Variants in LOX observed in about 807,000 individuals in gnomAD.
The protein encoded by LOX is protein-lysine 6-oxidase.
A neutral mutation model predicts 50.5 loss-of-function variants in LOX; 12 were observed. The observed-to-expected ratio is 0.24, with a 90% CI of 0.15 to 0.38. The LOEUF (loss-of-function observed/expected upper bound fraction) is 0.38, where lower values mean the gene tolerates loss of function less well. LOX is among the 10% of genes least tolerant of loss of function. The pLI, the probability that LOX is intolerant of heterozygous loss-of-function variation, is 1.00. For missense variants in LOX, 504 were observed against 563.8 expected, an observed-to-expected ratio of 0.89 and a Z score of 1.07; for synonymous variants, 254 against 230.6, an observed-to-expected ratio of 1.10 and a Z score of -0.92.
At chr5:122,075,632 C>T (rs1395696829) in intron 2 of LOX, 91 bp from the exon 3 acceptor site, 1 of 813,286 alleles carries the variant, frequency 1.2e-6, no homozygotes. Context: ...ATAGTAGTGA[C>T]AATCCTCCTT....
At chr5:122,070,325 C>T (rs909907777) in intron 5 of LOX, among the ~76,000 whole-genome samples, 157 bp from the exon 6 acceptor site, 4 of 152,034 alleles carry the variant, frequency 2.6e-5, no homozygotes, top group Non-Finnish European at 5.9e-5. Flanking sequence ...TGCATATTTT[C>T]CCCTGAAGTT....
chr5:122,073,378 A>G (rs1486603499), intron 4 of LOX, among the ~76,000 whole-genome samples: 1 of 152,216 alleles, frequency 6.6e-6, no homozygotes, highest in Non-Finnish European at 1.5e-5. Context: ...TTAAATATAT[A>G]TGTGTGGAGA....
At chr5:122,070,396 A>G (rs1326401241) in intron 5 of LOX, 98 bp downstream of exon 5, 2 of 702,286 alleles carry the variant, frequency 2.8e-6, no homozygotes, top group East Asian at 5.3e-5. Flanking sequence ...AGGATGTATA[A>G]TTGCTTCCAA....
rs1754226483 is a variant in LOX at position 122,063,701 on chromosome 5, A to G, written c.*3042T>C. ...AGTTAATACACTGATTCGTATCAAA[A>G]CACATTATTTTTAAAACAAAATATC... On this transcript the variant is annotated 3_prime_UTR_variant, in exon 7 of 7. Transcript: ENST00000231004. 1 of 151,940 alleles carries G rather than the reference A, an allele frequency of 6.6e-6. No individual in the cohort carries two copies. Among genetic ancestry groups the G allele is most frequent in the African/African-American group, 2.4e-5 (1 of 41,438 alleles). 9.4% of individuals were successfully genotyped at this position (151,940 alleles called of 1,614,324 possible).
At chr5:122,066,809 A>G (rs1217002049) in intron 6 of LOX, 60 bp from the exon 7 acceptor site, 2 of 1,048,982 alleles carry the variant, frequency 1.9e-6, no homozygotes, top group East Asian at 4.7e-5. Flanking sequence ...GAATGAGTAC[A>G]ACAGACAAAT....
At position 122,064,934 on chromosome 5, in the gene LOX, A is replaced by G. The variant is rs538007486; in HGVS notation, c.*1809T>C. The G allele has an allele frequency of 1.2e-4, 19 of 152,118 alleles. No individual in the cohort carries two copies. The highest frequency in any genetic ancestry group is 2.2e-4 in the Non-Finnish European group (15 of 67,984). 9.4% of individuals were successfully genotyped at this position (152,118 alleles called of 1,614,324 possible). On this transcript the variant is annotated 3_prime_UTR_variant, in exon 7 of 7. Transcript: ENST00000231004. ...TAGATGCCAGTCTGGCTCAGTATTAATACTGACAGTAGTTTTTTTGTTTTT... is the reference window on the plus strand; with the variant it reads ...TAGATGCCAGTCTGGCTCAGTATTAGTACTGACAGTAGTTTTTTTGTTTTT...
chr5:122,068,886 T>G (rs1754374442), intron 6 of LOX, among the ~76,000 whole-genome samples: 1 of 152,054 alleles, frequency 6.6e-6, no homozygotes, highest in Non-Finnish European at 1.5e-5. Context: ...CTAATCTGTT[T>G]ATTTAAGTGC....
chr5:122,070,816 T>C (rs1754428818), intron 4 of LOX: 1 of 331,184 alleles, frequency 3.0e-6, no homozygotes, highest in Non-Finnish European at 5.4e-6. Context: ...CCTCACTTCT[T>C]AAAAGTGTCA....
Position 122,077,589 on chromosome 5 carries a change from T to C in LOX, c.397A>G (p.Arg133Gly). The change falls in exon 1 of 7, where the codon AGA (arginine) becomes GGA (glycine). Residue 133 changes from arginine to glycine, a missense_variant. Physicochemically the swap from Arg to Gly is moderately radical, Grantham distance 125 (BLOSUM62 -2). Around this residue, in one of 2 missense-constraint regions of LOX, gnomAD observed 398 missense variants for 365.8 expected, o/e 1.09. Coordinates refer to ENST00000231004, the MANE Select transcript of LOX (RefSeq NM_002317.7). The surrounding 1 kb of genome is among the most constrained non-coding windows in gnomAD (Gnocchi z 4.9). ...HWFQAGYSTSRAREAGASRAE... is the reference protein window; with the variant it reads ...HWFQAGYSTSGAREAGASRAE... ...CGCGAGGCGCCAGCTTCGCGGGCTC[T>C]AGATGTCGAGTAGCCAGCTTGGAAC... 1 of 1,612,668 alleles carries C rather than the reference T, an allele frequency of 6.2e-7. No homozygotes were observed. Among genetic ancestry groups the C allele is most frequent in the East Asian group, 2.2e-5 (1 of 44,858 alleles).
At position 122,070,091 on chromosome 5, in the gene LOX, T is replaced by G. The variant is rs904161123; in HGVS notation, c.1209A>C (p.Thr403=). 3 of 1,613,250 alleles carry G rather than the reference T, an allele frequency of 1.9e-6. No individual in the cohort carries two copies. The highest frequency in any genetic ancestry group is 3.3e-4 in the Middle Eastern group (2 of 6,056). ...NNVVRCDIRY[T]GHHAYASGCT... ...AGCCTGAGGCATACGCATGATGTCC[T>G]GTGTAGCGAATGTCACAGCGCACAA... is the stretch of plus-strand genomic sequence containing the variant. Residue 403 remains threonine, a synonymous_variant, in exon 6 of 7, where the codon ACA becomes ACC. Coordinates refer to ENST00000231004, the MANE Select transcript of LOX (RefSeq NM_002317.7).
chr5:122,065,644 C>T lies in LOX; in HGVS notation c.*1099G>A, dbSNP rs571304437. On this transcript the variant is annotated 3_prime_UTR_variant, in exon 7 of 7. Transcript: ENST00000231004. Reference sequence around the variant, plus strand: ...ACATGTGTGACTGATTCCTGAATAACCCAGGATGATGTTCCTGTGTTCTAG... The same window carrying T: ...ACATGTGTGACTGATTCCTGAATAATCCAGGATGATGTTCCTGTGTTCTAG... The T allele has an allele frequency of 2.6e-5, 4 of 152,132 alleles. No homozygotes were observed. The highest frequency in any genetic ancestry group is 2.0e-4 in the Admixed American group (3 of 15,256). The allele number at this position is 152,132 out of a possible 1,614,324, so 9.4% of individuals were successfully genotyped here. A position where few individuals can be genotyped will look rare whatever the true frequency, so the allele number is the denominator to read the frequency against.
At chr5:122,068,512 C>T (rs1754363427) in intron 6 of LOX, among the ~76,000 whole-genome samples, 1 of 152,052 alleles carries the variant, frequency 6.6e-6, no homozygotes, top group African/African-American at 2.4e-5. Flanking sequence ...TCTCACTTCC[C>T]CTACTCAAAA....
At chr5:122,071,955 A>G (rs1754464250) in intron 4 of LOX, among the ~76,000 whole-genome samples, 1 of 152,182 alleles carries the variant, frequency 6.6e-6, no homozygotes, top group African/African-American at 2.4e-5. Flanking sequence ...TGTTGTTATT[A>G]TCTAGATTCC....
At position 122,074,181 on chromosome 5, in the gene LOX, C is replaced by T. The variant is rs1363844473; in HGVS notation, c.879-12G>A. The T allele has an allele frequency of 1.9e-6, 3 of 1,604,490 alleles. No homozygotes were observed. Among genetic ancestry groups the T allele is most frequent in the Admixed American group, 1.7e-5 (1 of 59,376 alleles). On this transcript the variant is annotated splice_polypyrimidine_tract_variant and intron_variant, in intron 3 of 6. Transcript: ENST00000231004. ...TACTGTGGTAATGTCTGATGTCCCA[C>T]AAAACAAAAAGATGGTGGTCAGTTA...
At position 122,065,720 on chromosome 5, in the gene LOX, T is replaced by C. The variant is rs955130157; in HGVS notation, c.*1023A>G. ...CTAATAGCTGAACATCTTTTTAAAA[T>C]CTAGAAAACTTGAAAAATCCTAAAA... is the stretch of plus-strand genomic sequence containing the variant. On this transcript the variant is annotated 3_prime_UTR_variant, in exon 7 of 7. Transcript: ENST00000231004. 2.0e-5 allele frequency: 3 copies of C among 152,076 alleles called. No homozygotes were observed. Among genetic ancestry groups the C allele is most frequent in the Non-Finnish European group, 2.9e-5 (2 of 67,968 alleles). The allele number at this position is 152,076 out of a possible 1,614,324, so 9.4% of individuals were successfully genotyped here. A position where few individuals can be genotyped will look rare whatever the true frequency, so the allele number is the denominator to read the frequency against.
Position 122,064,885 on chromosome 5 carries a change from A to G in LOX, c.*1858T>C, listed in dbSNP as rs1185695917. 6.6e-6 allele frequency: 1 copy of G among 152,118 alleles called. No homozygotes were observed. The highest frequency in any genetic ancestry group is 1.9e-4 in the East Asian group (1 of 5,194). 9.4% of individuals were successfully genotyped at this position (152,118 alleles called of 1,614,324 possible). On this transcript the variant is annotated 3_prime_UTR_variant, in exon 7 of 7. Transcript: ENST00000231004. ...GTTTTTAATACAAGCTTAAGAATCA[A>G]TAAAATGATAGATCTGAAATCTGTA...
Position 122,077,470 on chromosome 5 carries a change from G to T in LOX, c.516C>A (p.Tyr172Ter). ...RVDGMVGDDP[Y>*]NPYKYSDDNP... ...TGTCGTCAGAGTACTTGTAGGGGTTGTAAGGGTCGTCGCCCACCATGCCGT... is the reference window on the plus strand; with the variant it reads ...TGTCGTCAGAGTACTTGTAGGGGTTTTAAGGGTCGTCGCCCACCATGCCGT... Residue 172 changes from tyrosine (Y) to a stop codon, truncating the protein, a stop_gained, in exon 1 of 7, where the codon TAC (tyrosine) becomes TAA (stop). Transcript: ENST00000231004. LOFTEE classifies it high-confidence loss of function. This position sits in a 1 kb window ranked among gnomAD's most constrained non-coding sequence, Gnocchi z 4.9. 6.2e-7 allele frequency: 1 copy of T among 1,614,072 alleles called. No homozygotes were observed. The highest frequency in any genetic ancestry group is 8.5e-7 in the Non-Finnish European group (1 of 1,180,008).
rs924025375 is a variant in LOX, at chr5:122,064,194, A to G, written c.*2549T>C. ...TTATCATTGCCAGTTCCTATTTTTT[A>G]AAATGTATTTAGAGTTTGGTAAGAC... On this transcript the variant is annotated 3_prime_UTR_variant, in exon 7 of 7. Coordinates refer to ENST00000231004, the MANE Select transcript of LOX (RefSeq NM_002317.7). 2 of 151,944 alleles carry G rather than the reference A, an allele frequency of 1.3e-5. No homozygotes were observed. Among genetic ancestry groups the G allele is most frequent in the African/African-American group, 2.4e-5 (1 of 41,404 alleles). The allele number at this position is 151,944 out of a possible 1,614,324, so 9.4% of individuals were successfully genotyped here.
chr5:122,069,918 T>TAC, intron 6 of LOX, 135 bp downstream of exon 6: 2 of 752,532 alleles, frequency 2.7e-6, no homozygotes, highest in Middle Eastern at 5.9e-4. Flanking sequence ...TCAGACTGCA[T>TAC]ACCATTTTCT....
Sources: allele counts gnomAD v4.1 joint callset (sites outside exome capture counted in the v4.1 genomes callset), GRCh38; gene constraint gnomAD v4.1.1; regional missense constraint gnomAD v4.1.1; non-coding constraint Gnocchi (gnomAD v3.1); transcripts MANE v1.5; gene names NCBI Gene and HGNC (gene_info 2026-07-23, HGNC 2026-07-21).